The following TMEM200A variants were observed in gnomAD, a reference collection of about 807,000 sequenced individuals.
TMEM200A encodes the protein two transmembrane C.
TMEM200A carries 12 observed loss-of-function variants against 24.3 expected under a neutral mutation model. The observed-to-expected ratio is 0.49, with a 90% CI of 0.32 to 0.80. The LOEUF (loss-of-function observed/expected upper bound fraction) is 0.80, where lower values mean the gene tolerates loss of function less well. TMEM200A is among the 30% of genes least tolerant of loss of function. TMEM200A has a pLI of 0.04. For synonymous variants in TMEM200A, 224 were observed against 224.4 expected (o/e 1.00, Z 0.02); for missense variants, 545 against 614.4 (o/e 0.89, Z 1.19).
rs748777286 is a variant in TMEM200A, at chr6:130,441,171, G to C, written c.749G>C (p.Ser250Thr). 1 of 1,614,064 alleles carries C rather than the reference G, an allele frequency of 6.2e-7. No homozygotes were observed. The highest frequency in any genetic ancestry group is 8.5e-7 in the Non-Finnish European group (1 of 1,179,974). ...GHLMPPLLSD[S>T]SVSVFGLYPP... is the part of the protein sequence containing the mutation. Reference sequence around the variant, plus strand: ...CTTATGCCCCCTTTGCTCTCTGACAGCTCTGTGTCTGTCTTTGGCCTCTAT... The same window carrying C: ...CTTATGCCCCCTTTGCTCTCTGACACCTCTGTGTCTGTCTTTGGCCTCTAT... The change falls in exon 3 of 3, where the codon AGC becomes ACC. Residue 250 changes from serine (S) to threonine (T), a missense_variant. Ser to Thr is a moderately conservative substitution (Grantham distance 58). Coordinates refer to ENST00000296978, the MANE Select transcript of TMEM200A (RefSeq NM_001258277.2).
chr6:130,366,041 T>C lies in TMEM200A; in HGVS notation c.-564T>C, dbSNP rs888866460. On this transcript the variant is annotated 5_prime_UTR_variant, in exon 1 of 3. Transcript: ENST00000296978. This position sits in a 1 kb window ranked among gnomAD's most constrained non-coding sequence, Gnocchi z 4.4. ...CATCTGGAGCCGAGCAGAAAACTTT[T>C]CCCCTCCCGTTCCCGGTCCCTTTTG... 1.0e-6 allele frequency: 1 copy of C among 985,454 alleles called. No individual in the cohort carries two copies. The highest frequency in any genetic ancestry group is 1.2e-6 in the Non-Finnish European group (1 of 830,090). 61.0% of individuals were successfully genotyped at this position (985,454 alleles called of 1,614,324 possible).
Position 130,441,865 on chromosome 6 carries a change from C to T in TMEM200A, c.1443C>T (p.Asn481=), listed in dbSNP as rs1329216325. The T allele has an allele frequency of 6.2e-7, 1 of 1,607,830 alleles. No homozygotes were observed. The highest frequency in any genetic ancestry group is 1.1e-5 in the South Asian group (1 of 89,484). The part of the protein sequence containing the change: ...SFEHDEFLSN[N]LKRGTSETRF The stretch of plus-strand genomic sequence containing the variant: ...AACATGATGAGTTTTTGAGTAACAA[C>T]CTAAAGAGGGGAACTTCTGAAACAA... The change falls in exon 3 of 3, where the codon AAC becomes AAT. Residue 481 remains asparagine (N), a synonymous_variant. Coordinates refer to ENST00000296978, the MANE Select transcript of TMEM200A (RefSeq NM_001258277.2).
intron 1 of TMEM200A, among the ~76,000 whole-genome samples, chr6:130,374,586 TTTG>T (rs1583171504): frequency 6.6e-6 from 1 of 151,934 alleles, no homozygotes; most frequent in South Asian, 2.1e-4. Context: ...AGGCTAATTT[TTTG>T]TTGTTGTTAT....
chr6:130,424,873 C>G (rs1273905328), intron 2 of TMEM200A, among the ~76,000 whole-genome samples: 1 of 152,144 alleles, frequency 6.6e-6, no homozygotes, highest in Non-Finnish European at 1.5e-5. Context: ...TCAATTCATG[C>G]TATGCTAGTA....
chr6:130,382,211 GT>G (rs1390323283), intron 1 of TMEM200A, among the ~76,000 whole-genome samples: 3 of 152,156 alleles, frequency 2.0e-5, no homozygotes, highest in Admixed American at 6.5e-5. Context: ...TAGGAGGTTG[GT>G]GGGGGGCAGT....
At chr6:130,437,782 C>G (rs1344364976) in intron 2 of TMEM200A, 1 of 152,024 alleles carries the variant, frequency 6.6e-6, no homozygotes, top group Admixed American at 6.6e-5. Flanking sequence ...ACATGCAAGC[C>G]CAGTCATCCA....
At chr6:130,374,938 T>C (rs1778415023) in intron 1 of TMEM200A, among the ~76,000 whole-genome samples, 1 of 152,228 alleles carries the variant, frequency 6.6e-6, no homozygotes, top group African/African-American at 2.4e-5. Context: ...GGGTATTTTA[T>C]TGTCTAAAAA....
intron 1 of TMEM200A, chr6:130,382,034 T>A: frequency 1.1e-6 from 1 of 896,206 alleles, no homozygotes; most frequent in Non-Finnish European, 1.3e-6. Flanking sequence ...TGATCTGGGC[T>A]ACTTATGATT....
At chr6:130,365,990 A>C (rs1053497818), upstream of TMEM200A, 7 of 985,082 alleles carry the variant, frequency 7.1e-6, no homozygotes, top group South Asian at 9.4e-5. Flanking sequence ...TCGGGGCTTT[A>C]TGGCGTGAGG....
intron 2 of TMEM200A, among the ~76,000 whole-genome samples, chr6:130,408,134 A>G (rs1438769650): frequency 6.6e-6 from 1 of 152,166 alleles, no homozygotes; most frequent in Non-Finnish European, 1.5e-5. Flanking sequence ...GTAGTGCACA[A>G]TACTGTAGTG....
intron 1 of TMEM200A, among the ~76,000 whole-genome samples, chr6:130,368,555 T>C (rs6927174): frequency 2.6e-5 from 4 of 152,210 alleles, no homozygotes; most frequent in African/African-American, 9.6e-5. Flanking sequence ...ATCAAGCAGA[T>C]CCACTTGTTC....
intron 2 of TMEM200A, among the ~76,000 whole-genome samples, chr6:130,400,144 G>A (rs137874958): frequency 0.025 from 3,840 of 151,330 alleles, 166 homozygotes; most frequent in African/African-American, 0.088. Context: ...TTATCCACTC[G>A]TTGATTGATG....
At chr6:130,386,887 T>C (rs1358859729) in intron 2 of TMEM200A, among the ~76,000 whole-genome samples, 1 of 152,212 alleles carries the variant, frequency 6.6e-6, no homozygotes, top group African/African-American at 2.4e-5. Flanking sequence ...CCAGATCTTT[T>C]TATAAGGCAC....
In TMEM200A at chr6:130,415,827, GT is replaced by G. The variant is rs1779436214; in HGVS notation, c.-16-24579del. ...GTGTCACAGTATGCAAGCATTATTA[GT>G]GAAAATTCATTATCTGTGTTGAAAC... On this transcript the variant is annotated intron_variant, in intron 2 of 2. Transcript: ENST00000296978. Among the ~76,000 whole-genome samples the G allele has an allele frequency of 1.7e-4, 26 of 152,276 alleles. No individual in the cohort carries two copies. In the South Asian group the frequency reaches 5.4e-3, roughly 32 times the overall value.
chr6:130,404,293 A>C (rs1400835370), intron 2 of TMEM200A, among the ~76,000 whole-genome samples: 1 of 152,124 alleles, frequency 6.6e-6, no homozygotes, highest in Non-Finnish European at 1.5e-5. Context: ...CATTCCCACC[A>C]ACAGTGTATA....
At chr6:130,434,722 A>T (rs959165695) in intron 2 of TMEM200A, among the ~76,000 whole-genome samples, 1 of 152,182 alleles carries the variant, frequency 6.6e-6, no homozygotes, top group African/African-American at 2.4e-5. Flanking sequence ...TGACTCACAA[A>T]GCAGAAATCT....
chr6:130,401,476 T>C (rs1779084917), intron 2 of TMEM200A, among the ~76,000 whole-genome samples: 1 of 151,340 alleles, frequency 6.6e-6, no homozygotes, highest in African/African-American at 2.4e-5. Context: ...TTTTTCTTGC[T>C]TTCTTTTTCT....
At chr6:130,394,269 C>CA (rs1332923018) in intron 2 of TMEM200A, among the ~76,000 whole-genome samples, 8 of 152,012 alleles carry the variant, frequency 5.3e-5, no homozygotes, top group African/African-American at 1.2e-4. Flanking sequence ...AACTGCTATG[C>CA]AAAAAAGAAC....
At position 130,440,499 on chromosome 6, in the gene TMEM200A, T is replaced by C. The variant is rs1201011400; in HGVS notation, c.77T>C (p.Val26Ala). 4.3e-6 allele frequency: 7 copies of C among 1,613,852 alleles called. No homozygotes were observed. The highest frequency in any genetic ancestry group is 5.9e-6 in the Non-Finnish European group (7 of 1,179,922). ...GACTCTGCCAGATCACAGCAGCATG[T>C]CAACCTCAGCCCGTCTCCTGCTACC... ...RQDSARSQQH[V>A]NLSPSPATQE... is the part of the protein sequence containing the mutation. The change falls in exon 3 of 3, where the codon GTC becomes GCC. Residue 26 changes from valine (V) to alanine (A), a missense_variant. By Grantham distance (64) the Val-to-Ala change is moderately conservative. Transcript: ENST00000296978.
Sources: allele counts gnomAD v4.1 joint callset (sites outside exome capture counted in the v4.1 genomes callset), GRCh38; gene constraint gnomAD v4.1.1; non-coding constraint Gnocchi (gnomAD v3.1); transcripts MANE v1.5; gene names NCBI Gene and HGNC (gene_info 2026-07-23, HGNC 2026-07-21).